PAM: variants seen among roughly 807,000 people sequenced by gnomAD.
The protein encoded by PAM is peptidyl-glycine alpha-amidating monooxygenase.
PAM carries 72 observed loss-of-function variants against 122.1 expected under a neutral mutation model. The observed-to-expected ratio is 0.59, with a 90% CI of 0.49 to 0.72. The LOEUF is 0.72. PAM is among the 30% of genes least tolerant of loss of function. The probability of loss-of-function intolerance (pLI) is 0.00; values close to 1 mark genes in which losing one functional copy is unlikely to be tolerated. For synonymous variants in PAM, 389 were observed against 404.4 expected, an observed-to-expected ratio of 0.96 and a Z score of 0.46; for missense variants, 1,106 against 1,183.7, an observed-to-expected ratio of 0.93 and a Z score of 0.96.
chr5:102,771,005 G>T (rs1755629077), intron 1 of PAM, among the ~76,000 whole-genome samples: 1 of 151,768 alleles, frequency 6.6e-6, no homozygotes, highest in Admixed American at 6.6e-5. Flanking sequence ...TCCCTGAAGG[G>T]GTTTATATTT....
In PAM at chr5:102,866,164, T is replaced by A; in HGVS notation, c.-32T>A. The stretch of plus-strand genomic sequence containing the variant: ...CCCAGCCCCGCGCTGCGCTGCCCGG[T>A]CCTCTCCCGGCGGGGTCGTATCGGC... On this transcript the variant is annotated 5_prime_UTR_variant, in exon 2 of 26. Transcript: ENST00000438793. 6.7e-7 allele frequency: 1 copy of A among 1,503,090 alleles called. No individual in the cohort carries two copies. Among genetic ancestry groups the A allele is most frequent in the East Asian group, 2.3e-5 (1 of 44,368 alleles). 93.1% of individuals were successfully genotyped at this position (1,503,090 alleles called of 1,614,324 possible).
intron 1 of PAM, among the ~76,000 whole-genome samples, chr5:102,800,977 T>C (rs754163593): frequency 1.1e-4 from 17 of 152,188 alleles, no homozygotes; most frequent in South Asian, 2.1e-4. Context: ...ATTTTCCACA[T>C]GGCTTAGAAA....
chr5:102,864,182 ATATTTTTT>A (rs1784899932), intron 1 of PAM, among the ~76,000 whole-genome samples: 1 of 137,608 alleles, frequency 7.3e-6, no homozygotes, highest in Non-Finnish European at 1.5e-5. Flanking sequence ...ATATATATAT[ATATTTTTT>A]TTTTTTTTAA....
intron 21 of PAM, among the ~76,000 whole-genome samples, chr5:103,016,814 A>G (rs1202592315): frequency 6.6e-6 from 1 of 152,230 alleles, no homozygotes; most frequent in East Asian, 1.9e-4. Flanking sequence ...TCAAAAAATT[A>G]AATGTCCCAA....
chr5:102,935,483 G>A (rs1752948128), intron 7 of PAM, among the ~76,000 whole-genome samples: 1 of 151,868 alleles, frequency 6.6e-6, no homozygotes, highest in African/African-American at 2.4e-5. Flanking sequence ...GAGTTTTTTT[G>A]CTATTATAAG....
Position 103,003,067 on chromosome 5 carries a change from G to A in PAM, c.1648G>A (p.Gly550Arg), listed in dbSNP as rs757442246. 1 of 1,604,632 alleles carries A rather than the reference G, an allele frequency of 6.2e-7. No homozygotes were observed. Among genetic ancestry groups the A allele is most frequent in the African/African-American group, 1.3e-5 (1 of 74,740 alleles). ...FDSKFVYQQI[G>R]LGPIEEDTIL... Reference sequence around the variant, plus strand: ...CAGCAAGTTTGTTTACCAGCAAATAGGACTCGGACCAATTGAAGAAGACAC... The same window carrying A: ...CAGCAAGTTTGTTTACCAGCAAATAAGACTCGGACCAATTGAAGAAGACAC... Residue 550 changes from glycine (G) to arginine (R), a missense_variant, in exon 17 of 26, where the codon GGA becomes AGA. Gly to Arg is a moderately radical substitution (Grantham distance 125, BLOSUM62 -2). This residue lies in a region of PAM where 670 missense variants were observed against 690.3 expected (regional missense o/e 0.97). Transcript: ENST00000438793.
intron 3 of PAM, among the ~76,000 whole-genome samples, chr5:102,875,270 G>T (rs1355677832): frequency 2.6e-5 from 4 of 151,998 alleles, no homozygotes; most frequent in African/African-American, 9.7e-5. Flanking sequence ...AAAGCTCACT[G>T]CTACCTCAAC....
chr5:102,950,610 A>G, intron 11 of PAM, 107 bp from the exon 12 acceptor site: 1 of 680,982 alleles, frequency 1.5e-6, no homozygotes, highest in Non-Finnish European at 2.6e-6. Context: ...TCATGATTAA[A>G]CCCTCAAAAA....
chr5:103,028,270 T>A (rs764772134), intron 25 of PAM, 32 bp downstream of exon 25: 1 of 1,487,808 alleles, frequency 6.7e-7, no homozygotes, highest in Non-Finnish European at 9.3e-7. Context: ...ACCCTTCATG[T>A]TTGGTTCAAA....
chr5:102,780,743 T>C (rs1758526818), intron 1 of PAM, among the ~76,000 whole-genome samples: 1 of 143,520 alleles, frequency 7.0e-6, no homozygotes, highest in Non-Finnish European at 1.5e-5. Flanking sequence ...CAGCACCTTT[T>C]TCTTTCTTTC....
At chr5:102,930,200 G>A (rs780395041) in intron 7 of PAM, among the ~76,000 whole-genome samples, 1 of 152,174 alleles carries the variant, frequency 6.6e-6, no homozygotes, top group Non-Finnish European at 1.5e-5. Flanking sequence ...GCCTATACTA[G>A]TGCTGGGTAT....
At chr5:102,923,733 G>T (rs1342861475) in intron 5 of PAM, among the ~76,000 whole-genome samples, 1 of 152,158 alleles carries the variant, frequency 6.6e-6, no homozygotes, top group Non-Finnish European at 1.5e-5. Context: ...CTATCACAGA[G>T]GTTTCCATAT....
intron 7 of PAM, among the ~76,000 whole-genome samples, chr5:102,929,992 A>T (rs1445415142): frequency 6.6e-6 from 1 of 151,916 alleles, no homozygotes; most frequent in Non-Finnish European, 1.5e-5. Flanking sequence ...TCCCTGTTTT[A>T]GACTGTGATC....
At chr5:102,796,410 G>T (rs953515688) in intron 1 of PAM, among the ~76,000 whole-genome samples, 2 of 152,146 alleles carry the variant, frequency 1.3e-5, no homozygotes, top group Non-Finnish European at 2.9e-5. Flanking sequence ...AATGAGATTG[G>T]ATATTTGCAG....
chr5:102,925,527 AT>A (rs1749120801), intron 6 of PAM, among the ~76,000 whole-genome samples: 1 of 152,146 alleles, frequency 6.6e-6, no homozygotes, highest in African/African-American at 2.4e-5. Flanking sequence ...TTACCTGGAT[AT>A]TTCTTAAAGG....
chr5:102,766,926 A>ATTTTTTTTTTTTTTTTTTTT lies in PAM; in HGVS notation c.-374+11590_-374+11609dup. Among the ~76,000 whole-genome samples, 80 of 25,858 alleles carry ATTTTTTTTTTTTTTTTTTTT rather than the reference A, an allele frequency of 3.1e-3. 28 individuals carry two copies. The highest frequency in any genetic ancestry group is 7.1e-3 in the East Asian group (5 of 704). The allele number at this position is 25,858 out of a possible 152,430, so 17.0% of individuals were successfully genotyped here. On this transcript the variant is annotated intron_variant, in intron 1 of 25. Coordinates refer to ENST00000438793, the MANE Select transcript of PAM (RefSeq NM_001177306.2). ...ATTTATTTTATTGCTTCAGTTGTGG[A>ATTTTTTTTTTTTTTTTTTTT]TTTTTTTTTTTTTTTTTTTTTTTTT...
chr5:102,955,949 G>C (rs932499552), intron 12 of PAM, among the ~76,000 whole-genome samples: 1 of 151,884 alleles, frequency 6.6e-6, no homozygotes, highest in Non-Finnish European at 1.5e-5. Flanking sequence ...CTGATACTAA[G>C]GATGATTTGA....
intron 18 of PAM, among the ~76,000 whole-genome samples, chr5:103,006,263 TA>T (rs368794976): frequency 6.6e-6 from 1 of 152,160 alleles, no homozygotes; most frequent in Non-Finnish European, 1.5e-5. Context: ...TTTTTTTACT[TA>T]TTTTTTTATG....
At chr5:102,831,568 T>C (rs1312975642) in intron 1 of PAM, among the ~76,000 whole-genome samples, 1 of 152,146 alleles carries the variant, frequency 6.6e-6, no homozygotes, top group Non-Finnish European at 1.5e-5. Context: ...GTGTGTGAAA[T>C]ATAAATATGT....
Sources: allele counts gnomAD v4.1 joint callset (sites outside exome capture counted in the v4.1 genomes callset), GRCh38; gene constraint gnomAD v4.1.1; regional missense constraint gnomAD v4.1.1; transcripts MANE v1.5; gene names NCBI Gene and HGNC (gene_info 2026-07-23, HGNC 2026-07-21).